The following GLT8D2 variants were observed in gnomAD, a reference collection of about 807,000 sequenced individuals.
GLT8D2 encodes glycosyltransferase 8 domain containing 2.
A neutral mutation model predicts 44.5 loss-of-function variants in GLT8D2; 45 were observed. The ratio of observed to expected loss-of-function variants is 1.01; its 90% CI spans 0.80 to 1.30. GLT8D2 has a LOEUF of 1.30. Ranked by LOEUF, GLT8D2 falls within the 50% of genes most tolerant of loss-of-function variation. GLT8D2 has a pLI of 0.00. For missense variants in GLT8D2, 400 were observed against 430.4 expected (o/e 0.93, Z 0.62); for synonymous variants, 156 against 157.2 (o/e 0.99, Z 0.06).
chr12:104,016,098 T>C (rs945962861), intron 3 of GLT8D2, among the ~76,000 whole-genome samples: 1 of 152,140 alleles, frequency 6.6e-6, no homozygotes, highest in African/African-American at 2.4e-5. Flanking sequence ...TTGCTCTAGC[T>C]AGGGCTTCCA....
At chr12:104,016,190 C>A (rs1329838552) in intron 3 of GLT8D2, among the ~76,000 whole-genome samples, 1 of 152,086 alleles carries the variant, frequency 6.6e-6, no homozygotes, top group Non-Finnish European at 1.5e-5. Context: ...CAGTTTTTCC[C>A]CATTTAGTAT....
At position 103,989,533 on chromosome 12, in the gene GLT8D2, C is replaced by T; in HGVS notation, c.925G>A (p.Ala309Thr). 6.2e-7 allele frequency: 1 copy of T among 1,613,482 alleles called. No individual in the cohort carries two copies. ...CTTCCATTCCAGTGGAGTAATTTAG[C>T]TTCCTGCAGAAAATGCTCCGAATAT... ...ARYSEHFLQE[A>T]KLLHWNGRHK... is the part of the protein sequence containing the mutation. The change falls in exon 11 of 11, where the codon GCT becomes ACT. Residue 309 changes from alanine (A) to threonine (T), a missense_variant. Coordinates refer to ENST00000360814, the MANE Select transcript of GLT8D2 (RefSeq NM_001384711.1).
At chr12:104,029,227 T>C (rs1221260434) in intron 1 of GLT8D2, among the ~76,000 whole-genome samples, 5 of 152,068 alleles carry the variant, frequency 3.3e-5, no homozygotes, top group African/African-American at 1.2e-4. Context: ...AAGGCTGAGG[T>C]TGCAGTGAGC....
chr12:103,991,624 A>G (rs1264453541), intron 10 of GLT8D2, among the ~76,000 whole-genome samples: 1 of 152,216 alleles, frequency 6.6e-6, no homozygotes, highest in Non-Finnish European at 1.5e-5. Flanking sequence ...TGGGATCTGC[A>G]CATGGAAAGG....
intron 1 of GLT8D2, among the ~76,000 whole-genome samples, chr12:104,021,936 GA>G (rs879882223): frequency 0.062 from 1,573 of 25,562 alleles, 147 homozygotes; most frequent in East Asian, 0.18. Flanking sequence ...AGAAGAAGAA[GA>G]AGAAGAAGAA....
At chr12:104,017,316 G>A (rs542821556) in intron 3 of GLT8D2, among the ~76,000 whole-genome samples, 1 of 151,914 alleles carries the variant, frequency 6.6e-6, no homozygotes, top group Non-Finnish European at 1.5e-5. Flanking sequence ...TTTAAAATTA[G>A]TCAAAGAAAA....
At chr12:104,064,414 C>T (rs1229590811), upstream of GLT8D2, 4 of 708,092 alleles carry the variant, frequency 5.6e-6, no homozygotes, top group South Asian at 6.0e-5. This position sits in a 1 kb window ranked among gnomAD's most constrained non-coding sequence, Gnocchi z 7.3. Flanking sequence ...CAGCGTCTCT[C>T]CACTGCCCGC....
chr12:104,028,021 G>T (rs1878791506), intron 1 of GLT8D2, among the ~76,000 whole-genome samples: 1 of 152,192 alleles, frequency 6.6e-6, no homozygotes, highest in South Asian at 2.1e-4. Flanking sequence ...AGAGGCAGAG[G>T]AATAGTAAAT....
At chr12:103,999,229 T>C in intron 6 of GLT8D2, 168 bp downstream of exon 6, 1 of 578,490 alleles carries the variant, frequency 1.7e-6, no homozygotes, top group Non-Finnish European at 3.1e-6. Context: ...TCTTAAATCC[T>C]TTCTGTAGCA....
In GLT8D2 at chr12:104,000,910, A is replaced by G. The variant is rs77039378; in HGVS notation, c.285-1396T>C. On this transcript the variant is annotated intron_variant, in intron 5 of 10. Transcript: ENST00000360814. The stretch of plus-strand genomic sequence containing the variant: ...AGTACCTCCTGATGGCACCACTACA[A>G]AAACATTTAATTATAAAAGCAGTAT... 2.7e-4 allele frequency among the ~76,000 whole-genome samples: 41 copies of G among 152,350 alleles called. No homozygotes were observed. The East Asian group carries it at 6.9e-3, about 26-fold the overall frequency.
In GLT8D2 at chr12:104,021,368, TC is replaced by T. The variant is rs1196830584; in HGVS notation, c.-41del. 6.6e-6 allele frequency: 1 copy of T among 152,246 alleles called. No individual in the cohort carries two copies. Among genetic ancestry groups the T allele is most frequent in the Non-Finnish European group, 1.5e-5 (1 of 68,084 alleles). The allele number at this position is 152,246 out of a possible 1,614,324, so 9.4% of individuals were successfully genotyped here. The stretch of plus-strand genomic sequence containing the variant: ...TCCAAGTCACTTACCCTGGAGAACT[TC>T]CTTTCCTATGGCAGGCCCAGGGACT... On this transcript the variant is annotated 5_prime_UTR_variant, in exon 2 of 11. Transcript: ENST00000360814.
chr12:104,039,472 A>C (rs534274667), intron 1 of GLT8D2, among the ~76,000 whole-genome samples: 45 of 152,364 alleles, frequency 3.0e-4, no homozygotes, highest in Middle Eastern at 3.4e-3. Context: ...AACCCCATCA[A>C]AAAGTGGGCG....
At chr12:104,005,863 C>G (rs1327329692) in intron 4 of GLT8D2, among the ~76,000 whole-genome samples, 1 of 152,170 alleles carries the variant, frequency 6.6e-6, no homozygotes, top group Non-Finnish European at 1.5e-5. Flanking sequence ...TACCATTTGA[C>G]CCAGCCATCC....
chr12:104,050,912 T>C (rs1456618952), upstream of GLT8D2, among the ~76,000 whole-genome samples: 4 of 151,786 alleles, frequency 2.6e-5, no homozygotes, highest in Non-Finnish European at 5.9e-5. Context: ...CCTCCCCGGT[T>C]CAAATGATTC....
At chr12:103,993,863 G>A (rs972884033) in intron 9 of GLT8D2, 1 of 189,206 alleles carries the variant, frequency 5.3e-6, no homozygotes, top group Non-Finnish European at 1.1e-5. Flanking sequence ...ACACAAGACT[G>A]CTAGGCAATA....
upstream of GLT8D2, among the ~76,000 whole-genome samples, chr12:104,053,506 T>C (rs903697606): frequency 6.6e-6 from 1 of 152,192 alleles, no homozygotes; most frequent in African/African-American, 2.4e-5. Context: ...ATAGGACTCT[T>C]GTGTGGGTTA....
chr12:104,057,176 CA>C, intron 1 of GLT8D2, among the ~76,000 whole-genome samples: 1 of 152,168 alleles, frequency 6.6e-6, no homozygotes, highest in East Asian at 1.9e-4. Flanking sequence ...GTGACATGGG[CA>C]AAAAATTCAC....
intron 10 of GLT8D2, among the ~76,000 whole-genome samples, chr12:103,990,420 G>A (rs1355259551): frequency 1.3e-5 from 2 of 151,898 alleles, no homozygotes; most frequent in South Asian, 4.2e-4. Context: ...TCATGACTTC[G>A]AGAGACTATG....
chr12:103,999,600 C>T, intron 5 of GLT8D2, 86 bp from the exon 6 acceptor site: 1 of 764,206 alleles, frequency 1.3e-6, no homozygotes, highest in Non-Finnish European at 2.3e-6. Flanking sequence ...TCTGTTGCCT[C>T]CCTAGAAAGT....
Sources: allele counts gnomAD v4.1 joint callset (sites outside exome capture counted in the v4.1 genomes callset), GRCh38; gene constraint gnomAD v4.1.1; non-coding constraint Gnocchi (gnomAD v3.1); transcripts MANE v1.5; gene names NCBI Gene and HGNC (gene_info 2026-07-23, HGNC 2026-07-21).